Variants in GRAMD1C observed in about 807,000 individuals in gnomAD.
GRAMD1C encodes the protein GRAM domain containing 1C, also known as protein Aster-C.
Under a neutral mutation model 97.8 loss-of-function variants are expected in GRAMD1C, and 89 were observed. The ratio of observed to expected loss-of-function variants is 0.91; its 90% confidence interval spans 0.77 to 1.09. The LOEUF is 1.09. GRAMD1C is among the 50% of genes least tolerant of loss of function. The probability of loss-of-function intolerance (pLI) is 0.00; values close to 1 mark genes in which losing one functional copy is unlikely to be tolerated. For synonymous variants in GRAMD1C, 256 were observed against 267.0 expected, an observed-to-expected ratio of 0.96 and a Z score of 0.40; for missense variants, 740 against 766.4, an observed-to-expected ratio of 0.97 and a Z score of 0.41.
intron 5 of GRAMD1C, among the ~76,000 whole-genome samples, chr3:113,880,969 C>A (rs1935235340): frequency 6.6e-6 from 1 of 152,028 alleles, no homozygotes; most frequent in Non-Finnish European, 1.5e-5. Flanking sequence ...AAATTCTGTA[C>A]TACTAAATAT....
rs553447706 is a variant in GRAMD1C, at chr3:113,885,597, A to C, written c.540+2765A>C. ...CTTCATCCTCAAGGTGGTAATAGAC[A>C]AACATTCTGTCCGGTTTTTTGTACG... On this transcript the variant is annotated intron_variant, in intron 6 of 17. Coordinates refer to ENST00000358160, the MANE Select transcript of GRAMD1C (RefSeq NM_017577.5). The C allele has an allele frequency of 3.3e-6, 5 of 1,535,404 alleles. No homozygotes were observed. The East Asian group carries it at 1.1e-4, about 35-fold the overall frequency.
intron 2 of GRAMD1C, among the ~76,000 whole-genome samples, chr3:113,859,064 G>A (rs1934266786): frequency 6.6e-6 from 1 of 151,862 alleles, no homozygotes; most frequent in Non-Finnish European, 1.5e-5. Context: ...CATTATTTTT[G>A]TTTCAGTTTC....
chr3:113,831,529 C>G (rs1210956780), intron 1 of GRAMD1C, among the ~76,000 whole-genome samples: 1 of 151,902 alleles, frequency 6.6e-6, no homozygotes, highest in Non-Finnish European at 1.5e-5. Context: ...TTCTTTCTTT[C>G]TTCTCTCCTG....
At chr3:113,853,484 A>T (rs1485145201) in intron 2 of GRAMD1C, among the ~76,000 whole-genome samples, 1 of 152,250 alleles carries the variant, frequency 6.6e-6, no homozygotes, top group African/African-American at 2.4e-5. Flanking sequence ...AGGGCTTCAT[A>T]ATCAGGAATT....
chr3:113,885,258 C>A, intron 6 of GRAMD1C: 1 of 1,240,244 alleles, frequency 8.1e-7, no homozygotes, highest in Non-Finnish European at 1.2e-6. Context: ...GGAGCTGGGC[C>A]GTGGGGGCCT....
At chr3:113,859,818 A>G (rs1341024177) in intron 2 of GRAMD1C, among the ~76,000 whole-genome samples, 1 of 152,178 alleles carries the variant, frequency 6.6e-6, no homozygotes, top group Admixed American at 6.6e-5. Flanking sequence ...TCAAATGTTT[A>G]AAGAAGAATG....
chr3:113,833,543 A>T (rs113828385), intron 1 of GRAMD1C, among the ~76,000 whole-genome samples: 5 of 152,254 alleles, frequency 3.3e-5, no homozygotes, highest in African/African-American at 1.2e-4. Context: ...AGATAAAATA[A>T]GGCAAACAAG....
At chr3:113,830,543 G>A (rs558283607) in intron 1 of GRAMD1C, among the ~76,000 whole-genome samples, 1 of 152,240 alleles carries the variant, frequency 6.6e-6, no homozygotes, top group South Asian at 2.1e-4. Context: ...AGGCTATATG[G>A]AATAGCCTAT....
In GRAMD1C at chr3:113,945,612, TTC is replaced by T; in HGVS notation, c.*136_*137del. On this transcript the variant is annotated 3_prime_UTR_variant, in exon 18 of 18. Coordinates refer to ENST00000358160, the MANE Select transcript of GRAMD1C (RefSeq NM_017577.5). ...TTATTGAGATTTCTAATATGAACAT[TTC>T]TTTCAGTAACATTTATTTGATAATT... The T allele has an allele frequency of 1.7e-6, 1 of 585,552 alleles. No homozygotes were observed. The highest frequency in any genetic ancestry group is 3.1e-6 in the Non-Finnish European group (1 of 326,940). 36.3% of individuals were successfully genotyped at this position (585,552 alleles called of 1,614,324 possible).
At chr3:113,843,154 A>G (rs1380414624) in intron 1 of GRAMD1C, among the ~76,000 whole-genome samples, 2 of 146,772 alleles carry the variant, frequency 1.4e-5, no homozygotes, top group Non-Finnish European at 3.0e-5. Flanking sequence ...GGCTTACTAC[A>G]GTCTTGACCT....
chr3:113,895,853 A>G (rs1935920283), intron 6 of GRAMD1C, among the ~76,000 whole-genome samples: 1 of 152,186 alleles, frequency 6.6e-6, no homozygotes, highest in African/African-American at 2.4e-5. Context: ...CACCAAGGTC[A>G]TCATCATTTC....
intron 6 of GRAMD1C, among the ~76,000 whole-genome samples, chr3:113,900,587 A>C (rs1936130126): frequency 7.0e-6 from 1 of 142,996 alleles, no homozygotes; most frequent in African/African-American, 2.5e-5. Context: ...TGCCCAGCCA[A>C]TTTTTGTATT....
chr3:113,839,099 C>A (rs773052987), intron 1 of GRAMD1C, among the ~76,000 whole-genome samples, 163 bp downstream of exon 1: 4 of 152,166 alleles, frequency 2.6e-5, no homozygotes, highest in Non-Finnish European at 5.9e-5. Context: ...GAAACGGTTT[C>A]CTGTGCCTCT....
chr3:113,846,330 T>G (rs1271536527), intron 2 of GRAMD1C, among the ~76,000 whole-genome samples: 1 of 152,110 alleles, frequency 6.6e-6, no homozygotes, highest in African/African-American at 2.4e-5. Context: ...GGTCTTGAAC[T>G]CCCGACCTCA....
intron 14 of GRAMD1C, 110 bp from the exon 15 acceptor site, chr3:113,937,976 G>C: frequency 1.7e-6 from 1 of 595,152 alleles, no homozygotes; most frequent in Non-Finnish European, 2.8e-6. Context: ...TTGCACTCCA[G>C]CCTGGGCAAC....
At chr3:113,887,679 A>AC (rs1935561416) in intron 6 of GRAMD1C, among the ~76,000 whole-genome samples, 1 of 144,548 alleles carries the variant, frequency 6.9e-6, no homozygotes, top group Admixed American at 7.1e-5. Context: ...CTGCACTCCA[A>AC]CCTGGGTGAA....
intron 1 of GRAMD1C, among the ~76,000 whole-genome samples, chr3:113,840,778 G>C (rs1430535022): frequency 6.6e-6 from 1 of 152,140 alleles, no homozygotes; most frequent in Non-Finnish European, 1.5e-5. Flanking sequence ...AAGGTGGTAG[G>C]CCTTACACTA....
At chr3:113,859,774 G>A (rs1934291118) in intron 2 of GRAMD1C, among the ~76,000 whole-genome samples, 1 of 152,124 alleles carries the variant, frequency 6.6e-6, no homozygotes, top group Non-Finnish European at 1.5e-5. Context: ...ACGAAGAAAA[G>A]CTCAGGACCA....
rs773151721 is a variant in GRAMD1C at position 113,904,187 on chromosome 3, A to C, written c.704A>C (p.Lys235Thr). Residue 235 changes from lysine to threonine, a missense_variant, in exon 8 of 18, where the codon AAA (lysine) becomes ACA (threonine). Lys to Thr is a moderately conservative substitution (Grantham distance 78). Coordinates refer to ENST00000358160, the MANE Select transcript of GRAMD1C (RefSeq NM_017577.5). Reference protein sequence around the residue: ...SLDDSGERDEKLSKSISFTSE... With the variant: ...SLDDSGERDETLSKSISFTSE... ...GATGACTCTGGGGAGAGAGATGAAA[A>C]ATTATCCAAGTCAATCAGTTTTACC... 1.2e-6 allele frequency: 2 copies of C among 1,608,822 alleles called. No individual in the cohort carries two copies. Among genetic ancestry groups the C allele is most frequent in the Non-Finnish European group, 1.7e-6 (2 of 1,175,372 alleles).
Sources: allele counts gnomAD v4.1 joint callset (sites outside exome capture counted in the v4.1 genomes callset), GRCh38; gene constraint gnomAD v4.1.1; transcripts MANE v1.5; gene names NCBI Gene and HGNC (gene_info 2026-07-23, HGNC 2026-07-21).